Variants in ABCA13 observed in about 807,000 individuals in gnomAD.
ABCA13 encodes the protein ATP-binding cassette sub-family A member 13.
Under a neutral mutation model 478.7 loss-of-function variants are expected in ABCA13, and 476 were observed. The ratio of observed to expected loss-of-function variants is 0.99; its 90% CI spans 0.92 to 1.07. ABCA13 has a LOEUF of 1.07. Among genes scored for constraint, ABCA13 ranks in the 50% least tolerant of loss-of-function variants. The pLI is 0.00. For missense variants in ABCA13, 6,060 were observed against 5,910.6 expected, an observed-to-expected ratio of 1.03 and a Z score of -0.83; for synonymous variants, 2,252 against 2,158.9, an observed-to-expected ratio of 1.04 and a Z score of -1.20.
chr7:48,331,476 G>A (rs896040100), intron 27 of ABCA13, among the ~76,000 whole-genome samples: 1 of 152,132 alleles, frequency 6.6e-6, no homozygotes, highest in African/African-American at 2.4e-5. Context: ...GTCCATTGCT[G>A]TTTTTATTTA....
In ABCA13 at chr7:48,293,202, C is replaced by T. The variant is rs924297461; in HGVS notation, c.8956-2498C>T. Among the ~76,000 whole-genome samples, 56 of 136,814 alleles carry T rather than the reference C, an allele frequency of 4.1e-4. 3 individuals are homozygous for T. Among genetic ancestry groups the T allele is most frequent in the Non-Finnish European group, 7.6e-4 (46 of 60,148 alleles). The allele number at this position is 136,814 out of a possible 152,430, so 89.8% of individuals were successfully genotyped here. A position where few individuals can be genotyped will look rare whatever the true frequency, so the allele number is the denominator to read the frequency against. ...CCTGAGAAGTCTTCAGCCCCCCCCC[C>T]GCCACACACACACTAAATCTACCTC... On this transcript the variant is annotated intron_variant, in intron 20 of 61. Coordinates refer to ENST00000435803, the MANE Select transcript of ABCA13 (RefSeq NM_152701.5).
chr7:48,528,495 A>G lies in ABCA13; in HGVS notation c.14354+150A>G, dbSNP rs539640432. ...CAATTACCACTCCTCTGATGTGGGG[A>G]AAAGTTTCCAAATATGAATAAACTG... is the stretch of plus-strand genomic sequence containing the variant. On this transcript the variant is annotated intron_variant, in intron 55 of 61. Coordinates refer to ENST00000435803, the MANE Select transcript of ABCA13 (RefSeq NM_152701.5). 168 of 565,294 alleles carry G rather than the reference A, an allele frequency of 3.0e-4. 2 individuals are homozygous for G. The South Asian group carries it at 5.1e-3, about 17-fold the overall frequency. The allele number at this position is 565,294 out of a possible 1,614,324, so 35.0% of individuals were successfully genotyped here.
chr7:48,391,960 C>T lies in ABCA13; in HGVS notation c.11694C>T (p.Thr3898=), dbSNP rs754141070. ...LTGLHPPTSG[T]IIINGKNLQT... ...GGCTCCACCCTCCCACTTCTGGAAC[C>T]ATCATCATCAATGGCAAGAACCTAC... Residue 3898 remains threonine (T), a synonymous_variant, in exon 38 of 62, where the codon ACC becomes ACT. Coordinates refer to ENST00000435803, the MANE Select transcript of ABCA13 (RefSeq NM_152701.5). 12 of 1,613,936 alleles carry T rather than the reference C, an allele frequency of 7.4e-6. No individual in the cohort carries two copies. Among genetic ancestry groups the T allele is most frequent in the Non-Finnish European group, 1.0e-5 (12 of 1,179,866 alleles).
intron 48 of ABCA13, among the ~76,000 whole-genome samples, chr7:48,504,746 C>A (rs1831055814): frequency 6.6e-6 from 1 of 152,146 alleles, no homozygotes; most frequent in South Asian, 2.1e-4. Context: ...CATACTTTGG[C>A]AGGATCTGAT....
chr7:48,508,733 T>G (rs1189909156), intron 50 of ABCA13, among the ~76,000 whole-genome samples: 2 of 152,334 alleles, frequency 1.3e-5, no homozygotes, highest in Non-Finnish European at 2.9e-5. Context: ...CAGAAAATCA[T>G]ACATAAGTCA....
chr7:48,600,816 A>G (rs1368346677), intron 58 of ABCA13, among the ~76,000 whole-genome samples: 1 of 152,212 alleles, frequency 6.6e-6, no homozygotes, highest in Non-Finnish European at 1.5e-5. Context: ...ACATATCCAC[A>G]GTCTTAAATA....
rs1483863992 is a variant in ABCA13, at chr7:48,643,267, T to C, written c.14838-21T>C. 4.7e-6 allele frequency: 7 copies of C among 1,504,878 alleles called. No individual in the cohort carries two copies. The East Asian group carries it at 1.6e-4, about 34-fold the overall frequency. 93.2% of individuals were successfully genotyped at this position (1,504,878 alleles called of 1,614,324 possible). On this transcript the variant is annotated intron_variant, in intron 59 of 61. Transcript: ENST00000435803. Reference sequence around the variant, plus strand: ...AGGTCAATATGATAATAATCATGTTTCTATTTTATTTAACTCTCAGGTTTG... The same window carrying C: ...AGGTCAATATGATAATAATCATGTTCCTATTTTATTTAACTCTCAGGTTTG...
intron 42 of ABCA13, among the ~76,000 whole-genome samples, chr7:48,436,861 T>A (rs1822911533): frequency 1.3e-5 from 2 of 151,992 alleles, no homozygotes; most frequent in African/African-American, 2.4e-5. Flanking sequence ...CTAATTTCTT[T>A]CCACTATGTT....
chr7:48,212,440 G>T (rs1397424978), intron 3 of ABCA13, among the ~76,000 whole-genome samples: 1 of 152,126 alleles, frequency 6.6e-6, no homozygotes, highest in Non-Finnish European at 1.5e-5. Context: ...AATTTTTCTT[G>T]GGTTAATACC....
chr7:48,532,898 T>G (rs1423060268), intron 55 of ABCA13, among the ~76,000 whole-genome samples: 1 of 152,122 alleles, frequency 6.6e-6, no homozygotes, highest in Admixed American at 6.5e-5. Context: ...CTCTCTTCTT[T>G]TCTTGGTTAA....
intron 34 of ABCA13, 25 bp from the exon 35 acceptor site, chr7:48,376,416 A>G: frequency 6.2e-7 from 1 of 1,611,516 alleles, no homozygotes; most frequent in Non-Finnish European, 8.5e-7. Flanking sequence ...TGCAGTTCTA[A>G]CTCTGACCTT....
At chr7:48,434,415 A>G (rs1222769299) in intron 42 of ABCA13, among the ~76,000 whole-genome samples, 1 of 151,872 alleles carries the variant, frequency 6.6e-6, no homozygotes, top group Non-Finnish European at 1.5e-5. Context: ...TATTAATCTC[A>G]TATTAGAAAT....
At chr7:48,186,150 C>G (rs1796324632) in intron 1 of ABCA13, among the ~76,000 whole-genome samples, 2 of 151,900 alleles carry the variant, frequency 1.3e-5, no homozygotes, top group Non-Finnish European at 2.9e-5. Flanking sequence ...TGAAATCAAG[C>G]TTGATAATTC....
rs549884222 is a variant in ABCA13, at chr7:48,265,591, AAT to A, written c.2006-3381_2006-3380del. Among the ~76,000 whole-genome samples the A allele has an allele frequency of 1.8e-3, 279 of 151,548 alleles. 1 individual carries two copies. The highest frequency in any genetic ancestry group is 6.5e-3 in the African/African-American group (271 of 41,482). ...TCTTCAATAATTTGTTGCTCATACAAATATATATAAATATACATTTAATTTTT... is the reference window on the plus strand; with the variant it reads ...TCTTCAATAATTTGTTGCTCATACAAATATATAAATATACATTTAATTTTT... On this transcript the variant is annotated intron_variant, in intron 15 of 61. Transcript: ENST00000435803.
chr7:48,638,107 T>G (rs544465185), intron 59 of ABCA13, among the ~76,000 whole-genome samples: 1 of 152,184 alleles, frequency 6.6e-6, no homozygotes, highest in East Asian at 1.9e-4. Context: ...GTGGGTAGCA[T>G]GAAGGATACT....
intron 28 of ABCA13, among the ~76,000 whole-genome samples, chr7:48,337,869 C>T (rs1806509218): frequency 6.6e-6 from 1 of 152,162 alleles, no homozygotes; most frequent in Non-Finnish European, 1.5e-5. Flanking sequence ...TCACAACCAT[C>T]AATAATAACG....
chr7:48,179,817 A>G (rs375352917), intron 1 of ABCA13, among the ~76,000 whole-genome samples: 321 of 152,304 alleles, frequency 2.1e-3, no homozygotes, highest in African/African-American at 7.2e-3. Flanking sequence ...ATTTTGTCAC[A>G]TCAGCGGAGC....
rs1426167559 is a variant in ABCA13, at chr7:48,278,198, C to T, written c.7004C>T (p.Thr2335Ile). 2.5e-6 allele frequency: 4 copies of T among 1,593,404 alleles called. No homozygotes were observed. The highest frequency in any genetic ancestry group is 3.4e-6 in the Non-Finnish European group (4 of 1,167,874). The change falls in exon 18 of 62, where the codon ACT becomes ATT. Residue 2335 changes from threonine (T) to isoleucine (I), a missense_variant. Thr to Ile is a moderately conservative substitution (Grantham distance 89). Transcript: ENST00000435803. ...AACATTTTTTCAAGTTTAAAGGAGACTATATATCACCTAATGAAAAGTTCA... is the reference window on the plus strand; with the variant it reads ...AACATTTTTTCAAGTTTAAAGGAGATTATATATCACCTAATGAAAAGTTCA... ...LMNIFSSLKETIYHLMKSSFI... is the reference protein window; with the variant it reads ...LMNIFSSLKEIIYHLMKSSFI...
chr7:48,578,948 A>T (rs953646349), intron 55 of ABCA13, among the ~76,000 whole-genome samples: 1 of 152,256 alleles, frequency 6.6e-6, no homozygotes, highest in Admixed American at 6.5e-5. Flanking sequence ...CAGACAATGA[A>T]TCTGGGCACT....
Sources: gnomAD v4.1 joint callset for allele counts (sites outside exome capture counted in the v4.1 genomes callset) on GRCh38, gnomAD v4.1.1 for gene constraint, MANE v1.5 for transcripts, NCBI Gene and HGNC (gene_info 2026-07-23, HGNC 2026-07-21) for gene names.